SPATA24: variants seen among roughly 807,000 people sequenced by gnomAD.
SPATA24 encodes spermatogenesis associated 24, also known as spermatogenesis-associated protein 24.
Under a neutral mutation model 28.9 loss-of-function variants are expected in SPATA24, and 21 were observed. The observed-to-expected ratio is 0.73, with a 90% CI of 0.52 to 1.05. The LOEUF (loss-of-function observed/expected upper bound fraction) is 1.05, where lower values mean the gene tolerates loss of function less well. SPATA24 is among the 50% of genes least tolerant of loss of function. The pLI, the probability that SPATA24 is intolerant of heterozygous loss-of-function variation, is 0.00. For synonymous variants in SPATA24, 76 were observed against 89.9 expected (o/e 0.85, Z 0.88); for missense variants, 215 against 242.9 (o/e 0.88, Z 0.76).
chr5:139,403,660 T>G (rs757123662), intron 1 of SPATA24, among the ~76,000 whole-genome samples: 1 of 152,196 alleles, frequency 6.6e-6, no homozygotes, highest in Non-Finnish European at 1.5e-5. Context: ...TGACGTCATC[T>G]CCACTGAAAA....
At chr5:139,394,960 G>A, downstream of SPATA24, 1 of 1,521,670 alleles carries the variant, frequency 6.6e-7, no homozygotes, top group African/African-American at 1.4e-5. Flanking sequence ...CGGGGGCTCC[G>A]GAGAACCTGG....
chr5:139,392,993 G>A, downstream of SPATA24: 1 of 1,517,274 alleles, frequency 6.6e-7, no homozygotes, highest in Non-Finnish European at 8.8e-7. The surrounding 1 kb of genome is among the most constrained non-coding windows in gnomAD (Gnocchi z 5.8). Flanking sequence ...GGTTCAGGAG[G>A]CTCGTAGGGG....
At chr5:139,396,202 T>C (rs1758702190), downstream of SPATA24, 1 of 985,388 alleles carries the variant, frequency 1.0e-6, no homozygotes, top group Non-Finnish European at 1.2e-6. Flanking sequence ...TGTGTCCCCA[T>C]GATCACCTAG....
chr5:139,401,059 C>T (rs745518002), intron 4 of SPATA24, among the ~76,000 whole-genome samples: 8 of 151,952 alleles, frequency 5.3e-5, no homozygotes, highest in Admixed American at 1.3e-4. Flanking sequence ...CGGGAGGCTG[C>T]GGCAGAAGAA....
At chr5:139,393,568 T>A (rs1758637527), downstream of SPATA24, 1 of 1,551,050 alleles carries the variant, frequency 6.4e-7, no homozygotes, top group African/African-American at 1.4e-5. Flanking sequence ...ATCTGGAGCC[T>A]CCCACGGGAA....
At chr5:139,392,834 G>C, downstream of SPATA24, 1 of 1,533,030 alleles carries the variant, frequency 6.5e-7, no homozygotes, top group Non-Finnish European at 8.8e-7. This position sits in a 1 kb window ranked among gnomAD's most constrained non-coding sequence, Gnocchi z 5.8. Flanking sequence ...GCTCGCACTC[G>C]CGAGGTTACC....
intron 4 of SPATA24, among the ~76,000 whole-genome samples, chr5:139,397,969 G>A (rs551999055): frequency 1.3e-5 from 2 of 152,188 alleles, no homozygotes; most frequent in Admixed American, 6.5e-5. Context: ...TTTTATTCAC[G>A]GCTTTATCCC....
chr5:139,392,711 C>T (rs756113832), downstream of SPATA24: 13 of 1,407,602 alleles, frequency 9.2e-6, no homozygotes, highest in African/African-American at 4.5e-5. The surrounding 1 kb of genome is among the most constrained non-coding windows in gnomAD (Gnocchi z 5.8). Flanking sequence ...GCTGGCCCTA[C>T]GGGGGAGCGC....
chr5:139,400,467 C>T (rs1024254803), intron 4 of SPATA24, among the ~76,000 whole-genome samples: 12 of 151,854 alleles, frequency 7.9e-5, no homozygotes, highest in African/African-American at 2.9e-4. Flanking sequence ...CCACTATGCC[C>T]GGGTAATTTT....
chr5:139,400,363 A>G (rs1299138525), intron 4 of SPATA24, among the ~76,000 whole-genome samples: 1 of 149,338 alleles, frequency 6.7e-6, no homozygotes, highest in Non-Finnish European at 1.5e-5. Context: ...CTGGAGCGCA[A>G]TGGCATGATC....
chr5:139,395,980 C>T (rs551071283), downstream of SPATA24, among the ~76,000 whole-genome samples: 38 of 152,288 alleles, frequency 2.5e-4, no homozygotes, highest in Admixed American at 5.9e-4. Flanking sequence ...TGGGGACAGG[C>T]GCTGGTGGGG....
At chr5:139,394,996 C>A, downstream of SPATA24, 1 of 1,492,070 alleles carries the variant, frequency 6.7e-7, no homozygotes, top group South Asian at 1.3e-5. Flanking sequence ...GCCTGACGAA[C>A]CGGAGGAGTC....
chr5:139,394,825 G>C (rs771011542), downstream of SPATA24: 7 of 1,530,458 alleles, frequency 4.6e-6, no homozygotes, highest in East Asian at 7.7e-5. Flanking sequence ...CGGGAAACCC[G>C]AGCCGGGCCC....
rs796797240 is a variant in SPATA24 at position 139,397,556 on chromosome 5, T to C, written c.386-413A>G. On this transcript the variant is annotated intron_variant, in intron 4 of 5. Coordinates refer to ENST00000450845, the MANE Select transcript of SPATA24 (RefSeq NM_194296.2). ...CTGTTCCCTCTTCCTGCTTTCTCTT[T>C]TTTTTTTTTTTGTATTTGAGACTGA... Among the ~76,000 whole-genome samples, 144 of 150,598 alleles carry C rather than the reference T, an allele frequency of 9.6e-4. 1 individual carries two copies. The highest frequency in any genetic ancestry group is 5.8e-4 in the East Asian group (3 of 5,134).
chr5:139,402,567 C>T (rs1038225466), intron 2 of SPATA24, 61 bp downstream of exon 2: 130 of 1,465,040 alleles, frequency 8.9e-5, no homozygotes, highest in Non-Finnish European at 1.2e-4. Flanking sequence ...ATGAGCCTGC[C>T]TAACCACAGG....
chr5:139,393,031 A>C (rs1287072798), downstream of SPATA24: 2 of 1,524,626 alleles, frequency 1.3e-6, no homozygotes, highest in Non-Finnish European at 1.8e-6. Flanking sequence ...AAAATCCTTG[A>C]TGAAAACGGA....
chr5:139,395,095 G>A (rs1758675883), downstream of SPATA24: 1 of 1,392,760 alleles, frequency 7.2e-7, no homozygotes, highest in Non-Finnish European at 9.3e-7. Flanking sequence ...GGGGCCGGAC[G>A]CCGTGCACTA....
chr5:139,403,885 C>A (rs1758874830), intron 1 of SPATA24, 59 bp downstream of exon 1: 1 of 1,417,318 alleles, frequency 7.1e-7, no homozygotes. Flanking sequence ...GGTTCTGGCC[C>A]CGCCCCCACC....
chr5:139,395,084 TGG>T, downstream of SPATA24: 1 of 1,399,532 alleles, frequency 7.1e-7, no homozygotes, highest in South Asian at 1.6e-5. Context: ...GTCAGCATGG[TGG>T]GGCCGGACGC....
Sources: gnomAD v4.1 joint callset for allele counts (sites outside exome capture counted in the v4.1 genomes callset) on GRCh38, gnomAD v4.1.1 for gene constraint, Gnocchi (gnomAD v3.1) non-coding constraint, MANE v1.5 for transcripts, NCBI Gene and HGNC (gene_info 2026-07-23, HGNC 2026-07-21) for gene names.